Variants in STAC observed in about 807,000 individuals in gnomAD.
STAC encodes the protein SH3 and cysteine rich domain, also known as SH3 and cysteine-rich domain-containing protein.
A neutral mutation model predicts 48.8 loss-of-function variants in STAC; 43 were observed. The observed-to-expected ratio is 0.88, with a 90% confidence interval of 0.69 to 1.14. The LOEUF (loss-of-function observed/expected upper bound fraction) is 1.14. Among genes scored for constraint, STAC ranks in the 50% most tolerant of loss-of-function variants. The pLI is 0.00. For synonymous variants in STAC, 193 were observed against 179.5 expected (o/e 1.07, Z -0.60); for missense variants, 497 against 504.0 (o/e 0.99, Z 0.13).
chr3:36,389,389 T>A (rs1699703243), intron 1 of STAC, among the ~76,000 whole-genome samples: 1 of 152,108 alleles, frequency 6.6e-6, no homozygotes, highest in Non-Finnish European at 1.5e-5. Flanking sequence ...GGCCTCTTTA[T>A]AAGGGCACTA....
At chr3:36,472,489 T>A (rs1697368203) in intron 2 of STAC, among the ~76,000 whole-genome samples, 1 of 152,252 alleles carries the variant, frequency 6.6e-6, no homozygotes, top group East Asian at 1.9e-4. Context: ...TATAGCATAG[T>A]GCGGCTGCAC....
chr3:36,527,704 A>G (rs931360811), intron 8 of STAC, among the ~76,000 whole-genome samples: 1 of 152,188 alleles, frequency 6.6e-6, no homozygotes, highest in African/African-American at 2.4e-5. Context: ...TAGTAGAGAA[A>G]GTTTTCCCAG....
intron 1 of STAC, among the ~76,000 whole-genome samples, chr3:36,419,917 T>TG (rs1284122234): frequency 1.3e-5 from 2 of 152,218 alleles, no homozygotes; most frequent in Non-Finnish European, 1.5e-5. Flanking sequence ...AACTGCCATA[T>TG]GTTTGATTTT....
At chr3:36,463,481 A>T (rs1407123398) in intron 2 of STAC, among the ~76,000 whole-genome samples, 1 of 150,230 alleles carries the variant, frequency 6.7e-6, no homozygotes, top group African/African-American at 2.4e-5. Context: ...TCTCATTTTA[A>T]TTTTTTTTAA....
intron 2 of STAC, among the ~76,000 whole-genome samples, chr3:36,449,718 T>C (rs1316255290): frequency 6.6e-6 from 1 of 152,232 alleles, no homozygotes; most frequent in South Asian, 2.1e-4. Context: ...AAATTGATGC[T>C]GGTAGACTTC....
At chr3:36,500,591 A>T (rs1698259169) in intron 6 of STAC, among the ~76,000 whole-genome samples, 1 of 152,188 alleles carries the variant, frequency 6.6e-6, no homozygotes, top group Non-Finnish European at 1.5e-5. Flanking sequence ...CCCCAGAATT[A>T]AAATTAAAAT....
intron 10 of STAC, among the ~76,000 whole-genome samples, chr3:36,541,799 G>A (rs1485148991): frequency 6.6e-6 from 1 of 152,164 alleles, no homozygotes. Context: ...TGCTGGGCTG[G>A]CTAGAGATGG....
intron 6 of STAC, among the ~76,000 whole-genome samples, chr3:36,501,600 G>A (rs1698285401): frequency 6.6e-6 from 1 of 152,082 alleles, no homozygotes; most frequent in Non-Finnish European, 1.5e-5. Context: ...AGAATAAATA[G>A]AAATAGGAAA....
chr3:36,500,092 A>G (rs1698246630), intron 6 of STAC, among the ~76,000 whole-genome samples: 1 of 152,232 alleles, frequency 6.6e-6, no homozygotes, highest in African/African-American at 2.4e-5. Flanking sequence ...CCTCTCAGTT[A>G]TTGGCAAACC....
intron 2 of STAC, among the ~76,000 whole-genome samples, chr3:36,449,819 A>C (rs1232342055): frequency 6.6e-6 from 1 of 152,220 alleles, no homozygotes; most frequent in African/African-American, 2.4e-5. Flanking sequence ...GTGTCATCTT[A>C]AAAAATCCTT....
At chr3:36,507,279 G>A (rs1343458170) in intron 8 of STAC, among the ~76,000 whole-genome samples, 1 of 152,056 alleles carries the variant, frequency 6.6e-6, no homozygotes, top group Non-Finnish European at 1.5e-5. Flanking sequence ...TGACTTGATC[G>A]AGGTGGATAA....
chr3:36,546,318 G>T lies in STAC; in HGVS notation c.*29G>T. ...CTGGCTCCTCCTCCGTTTGCAGTAG[G>T]CAAGCTCTGCTGCGATGCCTCTGCC... On this transcript the variant is annotated 3_prime_UTR_variant, in exon 11 of 11. Transcript: ENST00000273183. 1.3e-6 allele frequency: 2 copies of T among 1,576,844 alleles called. No individual in the cohort carries two copies.
At chr3:36,519,404 G>A (rs1033028426) in intron 8 of STAC, among the ~76,000 whole-genome samples, 8 of 152,162 alleles carry the variant, frequency 5.3e-5, no homozygotes, top group African/African-American at 1.9e-4. Flanking sequence ...TAATTTACAG[G>A]TAGAAAATGG....
intron 2 of STAC, among the ~76,000 whole-genome samples, chr3:36,467,890 G>A (rs757361832): frequency 2.6e-5 from 4 of 151,766 alleles, no homozygotes; most frequent in Non-Finnish European, 5.9e-5. Flanking sequence ...TGCTGTGTTT[G>A]GGTTCAGATT....
chr3:36,504,767 T>C (rs577075778), intron 7 of STAC, among the ~76,000 whole-genome samples: 1 of 152,170 alleles, frequency 6.6e-6, no homozygotes, highest in South Asian at 2.1e-4. Context: ...CATTTACATA[T>C]CTAAAATTTA....
At chr3:36,493,366 G>C (rs1378459440) in intron 6 of STAC, 137 bp downstream of exon 6, 1 of 716,200 alleles carries the variant, frequency 1.4e-6, no homozygotes, top group African/African-American at 1.8e-5. Flanking sequence ...ATGTTCTGGA[G>C]AGAATGTGAG....
chr3:36,420,331 A>G (rs1700419737), intron 1 of STAC, among the ~76,000 whole-genome samples: 1 of 152,196 alleles, frequency 6.6e-6, no homozygotes, highest in Admixed American at 6.5e-5. Flanking sequence ...AAAATGAGCA[A>G]ATTCACATAA....
intron 1 of STAC, among the ~76,000 whole-genome samples, chr3:36,421,147 A>G (rs1417514754): frequency 6.6e-6 from 1 of 152,150 alleles, no homozygotes; most frequent in Non-Finnish European, 1.5e-5. Flanking sequence ...AAGTAATATT[A>G]TAATTCAGTT....
chr3:36,515,975 C>CA (rs1455796240), intron 8 of STAC, among the ~76,000 whole-genome samples: 4 of 61,452 alleles, frequency 6.5e-5, no homozygotes, highest in Non-Finnish European at 8.4e-5. Context: ...CATTTTTCTC[C>CA]TTTTTTTTTT....
Sources: gnomAD v4.1 joint callset for allele counts (sites outside exome capture counted in the v4.1 genomes callset) on GRCh38, gnomAD v4.1.1 for gene constraint, MANE v1.5 for transcripts, NCBI Gene and HGNC (gene_info 2026-07-23, HGNC 2026-07-21) for gene names.